SOX5: variants seen among roughly 807,000 people sequenced by gnomAD.
SOX5 encodes transcription factor SOX-5.
A neutral mutation model predicts 92.0 loss-of-function variants in SOX5; 9 were observed. That is an observed-to-expected ratio of 0.10 (90% CI 0.06 to 0.17). SOX5 has a LOEUF of 0.17. SOX5 is among the 10% of genes least tolerant of loss of function. SOX5 has a pLI of 1.00. For synonymous variants in SOX5, 344 were observed against 336.3 expected, an observed-to-expected ratio of 1.02 and a Z score of -0.25; for missense variants, 642 against 944.5, an observed-to-expected ratio of 0.68 and a Z score of 4.20.
intron 13 of SOX5, 109 bp from the exon 14 acceptor site, chr12:23,536,778 A>C: frequency 1.2e-6 from 1 of 807,688 alleles, no homozygotes; most frequent in Non-Finnish European, 2.1e-6. Context: ...GCCAAAACCC[A>C]GAAATACATA....
intron 1 of SOX5, among the ~76,000 whole-genome samples, chr12:24,413,757 G>A (rs1392610473): frequency 6.6e-6 from 1 of 152,162 alleles, no homozygotes; most frequent in African/African-American, 2.4e-5. Flanking sequence ...CCCACAAGAG[G>A]TTCCAAGCAT....
At chr12:23,980,082 G>A (rs780820184) in intron 4 of SOX5, among the ~76,000 whole-genome samples, 11 of 152,142 alleles carry the variant, frequency 7.2e-5, no homozygotes, top group East Asian at 3.9e-4. Flanking sequence ...CCCAAAGTGC[G>A]GAGATTATGG....
chr12:24,273,931 T>A (rs1944102846), intron 3 of SOX5, among the ~76,000 whole-genome samples: 1 of 152,198 alleles, frequency 6.6e-6, no homozygotes, highest in African/African-American at 2.4e-5. Context: ...TCTTTTTAAT[T>A]GTGAAACTAT....
intron 1 of SOX5, among the ~76,000 whole-genome samples, chr12:24,548,909 ACT>A (rs996661313): frequency 8.5e-5 from 13 of 152,108 alleles, no homozygotes; most frequent in Non-Finnish European, 1.9e-4. Flanking sequence ...TATTATGAAG[ACT>A]CAACTCTGTA....
intron 3 of SOX5, among the ~76,000 whole-genome samples, chr12:24,247,810 CT>C (rs1328882274): frequency 5.9e-5 from 9 of 151,742 alleles, no homozygotes; most frequent in Admixed American, 5.9e-4. Context: ...GCTACTACAC[CT>C]GGCTAATTTT....
intron 3 of SOX5, among the ~76,000 whole-genome samples, chr12:23,775,897 C>A (rs924201964): frequency 2.0e-5 from 3 of 152,142 alleles, no homozygotes; most frequent in Admixed American, 6.5e-5. Flanking sequence ...GGTCTCCAAC[C>A]TTTTTGGCAC....
At chr12:24,448,785 T>G (rs900272247) in intron 1 of SOX5, among the ~76,000 whole-genome samples, 1 of 152,146 alleles carries the variant, frequency 6.6e-6, no homozygotes, top group African/African-American at 2.4e-5. Flanking sequence ...CCTATATTAT[T>G]ATCTCCAGCC....
At chr12:24,095,146 G>GAGAGAGAGAT (rs1945230961) in intron 4 of SOX5, among the ~76,000 whole-genome samples, 1 of 150,160 alleles carries the variant, frequency 6.7e-6, no homozygotes, top group Non-Finnish European at 1.5e-5. Flanking sequence ...GAGAGAGAGA[G>GAGAGAGAGAT]AGAGAGAGAG....
intron 3 of SOX5, among the ~76,000 whole-genome samples, chr12:23,809,923 T>G (rs748694886): frequency 2.6e-5 from 4 of 152,076 alleles, no homozygotes; most frequent in Non-Finnish European, 4.4e-5. Context: ...AAATGCCTCT[T>G]ATGATTTAAA....
chr12:24,451,908 T>C (rs556041894), intron 1 of SOX5, among the ~76,000 whole-genome samples: 2 of 152,346 alleles, frequency 1.3e-5, no homozygotes, highest in East Asian at 3.9e-4. Context: ...ATTATTCTTT[T>C]ACCTCAGTGA....
chr12:24,106,664 T>C (rs1946706563), intron 4 of SOX5, among the ~76,000 whole-genome samples: 1 of 151,650 alleles, frequency 6.6e-6, no homozygotes, highest in African/African-American at 2.4e-5. Context: ...TGGTGGTGAG[T>C]GCCTCTAATC....
At chr12:24,525,328 A>G (rs1401974407) in intron 1 of SOX5, among the ~76,000 whole-genome samples, 1 of 152,204 alleles carries the variant, frequency 6.6e-6, no homozygotes, top group Non-Finnish European at 1.5e-5. Flanking sequence ...GATATCTAAA[A>G]TAGTCAAATT....
intron 4 of SOX5, among the ~76,000 whole-genome samples, chr12:24,073,769 A>C (rs1942114635): frequency 6.6e-6 from 1 of 152,196 alleles, no homozygotes; most frequent in African/African-American, 2.4e-5. Flanking sequence ...CTGATTACAT[A>C]TTTTTGATAT....
At chr12:23,982,420 G>A (rs1391784) in intron 4 of SOX5, among the ~76,000 whole-genome samples, 96,960 of 152,050 alleles carry the variant, frequency 0.64, 31,025 homozygotes, top group Non-Finnish European at 0.66. Context: ...GTAAGTATAT[G>A]CTTACACAAA....
intron 1 of SOX5, among the ~76,000 whole-genome samples, chr12:23,896,240 A>G (rs1207055184): frequency 6.6e-6 from 1 of 152,186 alleles, no homozygotes; most frequent in Non-Finnish European, 1.5e-5. Flanking sequence ...ATAATACACT[A>G]ATATAGCACT....
At chr12:23,840,265 G>A (rs748642457) in intron 3 of SOX5, among the ~76,000 whole-genome samples, 7 of 151,950 alleles carry the variant, frequency 4.6e-5, no homozygotes, top group Non-Finnish European at 7.4e-5. Context: ...GAAATAGTAG[G>A]TATAAATGTA....
At chr12:24,266,716 A>G (rs1376810231) in intron 3 of SOX5, among the ~76,000 whole-genome samples, 2 of 152,222 alleles carry the variant, frequency 1.3e-5, no homozygotes, top group Non-Finnish European at 2.9e-5. Context: ...GAAAATGCCA[A>G]TAGTTGACCA....
At position 23,532,195 on chromosome 12, in the gene SOX5, C is replaced by CAA. The variant is rs564535117; in HGVS notation, c.*2022_*2023dup. The CAA allele has an allele frequency of 2.4e-4, 36 of 151,604 alleles. No homozygotes were observed. The East Asian group carries it at 6.8e-3, about 29-fold the overall frequency. The allele number at this position is 151,604 out of a possible 1,614,324, so 9.4% of individuals were successfully genotyped here. On this transcript the variant is annotated 3_prime_UTR_variant, in exon 15 of 15. Coordinates refer to ENST00000451604, the MANE Select transcript of SOX5 (RefSeq NM_006940.6). ...CAAATGTAAATAAAGTCATCAAAAA[C>CAA]AAACAAACAGAAAAACAAACAAAAT...
At position 23,871,188 on chromosome 12, in the gene SOX5, C is replaced by T. The variant is rs915870514; in HGVS notation, c.270+24605G>A. Among the ~76,000 whole-genome samples, 3 of 152,102 alleles carry T rather than the reference C, an allele frequency of 2.0e-5. No individual in the cohort carries two copies. In the South Asian group the frequency reaches 6.2e-4, roughly 31 times the overall value. On this transcript the variant is annotated intron_variant, in intron 2 of 14. Coordinates refer to ENST00000451604, the MANE Select transcript of SOX5 (RefSeq NM_006940.6). ...TAAAAGCATCTCAATTACAAATAAT[C>T]AAGTTTTCTTTTTGATATTAGCTTT...
Sources: allele counts gnomAD v4.1 joint callset (sites outside exome capture counted in the v4.1 genomes callset), GRCh38; gene constraint gnomAD v4.1.1; transcripts MANE v1.5; gene names NCBI Gene and HGNC (gene_info 2026-07-23, HGNC 2026-07-21).